Variants in PBX2 observed in about 807,000 individuals in gnomAD.
The protein encoded by PBX2 is pre-B-cell leukemia transcription factor 2.
PBX2 carries 10 observed loss-of-function variants against 46.5 expected under a neutral mutation model. The observed-to-expected ratio is 0.21, with a 90% CI of 0.13 to 0.36. The LOEUF (loss-of-function observed/expected upper bound fraction) is 0.36, where lower values mean the gene tolerates loss of function less well. PBX2 is among the 10% of genes least tolerant of loss of function. The pLI is 1.00. For missense variants in PBX2, 392 were observed against 580.5 expected, an observed-to-expected ratio of 0.68 and a Z score of 3.34; for synonymous variants, 160 against 222.5, an observed-to-expected ratio of 0.72 and a Z score of 2.50.
rs1786959078 is a variant in PBX2 at position 32,185,119 on chromosome 6, A to T, written c.*1263T>A. On this transcript the variant is annotated 3_prime_UTR_variant, in exon 9 of 9. Transcript: ENST00000375050. ...GGAAGATACATATACAAGCACCCCA[A>T]CCCATATTTAACATATTTGGCAATA... is the stretch of plus-strand genomic sequence containing the variant. 1 of 152,538 alleles carries T rather than the reference A, an allele frequency of 6.6e-6. No homozygotes were observed. Among genetic ancestry groups the T allele is most frequent in the African/African-American group, 2.4e-5 (1 of 41,398 alleles). 9.4% of individuals were successfully genotyped at this position (152,538 alleles called of 1,614,324 possible).
Position 32,189,969 on chromosome 6 carries a change from G to T in PBX2, c.-54C>A. ...CCTGCTCCGCCCCTCCCCCCGCCTG[G>T]TTACTTCTCCCCCCAAACTCGCTGG... On this transcript the variant is annotated 5_prime_UTR_variant, in exon 1 of 9. Coordinates refer to ENST00000375050, the MANE Select transcript of PBX2 (RefSeq NM_002586.5). This position sits in a 1 kb window ranked among gnomAD's most constrained non-coding sequence, Gnocchi z 4.7. 1.2e-6 allele frequency: 1 copy of T among 821,442 alleles called. No homozygotes were observed. The highest frequency in any genetic ancestry group is 1.8e-6 in the Non-Finnish European group (1 of 565,326). 50.9% of individuals were successfully genotyped at this position (821,442 alleles called of 1,614,324 possible).
Position 32,186,533 on chromosome 6 carries a change from C to A in PBX2, c.1201-59G>T, listed in dbSNP as rs1301762829. 3 of 1,575,540 alleles carry A rather than the reference C, an allele frequency of 1.9e-6. No individual in the cohort carries two copies. Among genetic ancestry groups the A allele is most frequent in the Middle Eastern group, 1.7e-4 (1 of 6,028 alleles). On this transcript the variant is annotated intron_variant, in intron 8 of 8. Coordinates refer to ENST00000375050, the MANE Select transcript of PBX2 (RefSeq NM_002586.5). This position sits in a 1 kb window ranked among gnomAD's most constrained non-coding sequence, Gnocchi z 4.2. ...AAGCCCTGGGAACCCTGTGTGGGCA[C>A]AACATTACTAGGGAAAATGCCCCTC...
chr6:32,186,877 G>C lies in PBX2; in HGVS notation c.1049C>G (p.Ser350Ter). ...SAGSGGSFNL[S>*]GSGDMFLGMP... ...CCCCAGAAACATGTCTCCAGATCCT[G>C]AGAGATTGAAAGAGCCGCCAGAGCC... is the stretch of plus-strand genomic sequence containing the variant. The change falls in exon 7 of 9, where the codon TCA becomes TGA. Residue 350 changes from serine (S) to a stop codon, truncating the protein, a stop_gained. Coordinates refer to ENST00000375050, the MANE Select transcript of PBX2 (RefSeq NM_002586.5). LOFTEE classifies it high-confidence loss of function. The surrounding 1 kb of genome is among the most constrained non-coding windows in gnomAD (Gnocchi z 4.2). The C allele has an allele frequency of 6.2e-7, 1 of 1,614,028 alleles. No individual in the cohort carries two copies. The highest frequency in any genetic ancestry group is 8.5e-7 in the Non-Finnish European group (1 of 1,180,016).
Position 32,187,459 on chromosome 6 carries a change from T to C in PBX2, c.871-64A>G. Reference sequence around the variant, plus strand: ...CTCTGAAGTCCTTCACTGAATAAGATGTGAGTGACAGCATTTTTTTTTTTT... The same window carrying C: ...CTCTGAAGTCCTTCACTGAATAAGACGTGAGTGACAGCATTTTTTTTTTTT... On this transcript the variant is annotated intron_variant, in intron 5 of 8. Transcript: ENST00000375050. The surrounding 1 kb of genome is among the most constrained non-coding windows in gnomAD (Gnocchi z 7.7). 6.4e-7 allele frequency: 1 copy of C among 1,560,294 alleles called. No homozygotes were observed. The highest frequency in any genetic ancestry group is 2.3e-5 in the East Asian group (1 of 44,412).
In PBX2 at chr6:32,189,343, G is replaced by T. The variant is rs1787293524; in HGVS notation, c.221+352C>A. On this transcript the variant is annotated intron_variant, in intron 1 of 8. Transcript: ENST00000375050. This position sits in a 1 kb window ranked among gnomAD's most constrained non-coding sequence, Gnocchi z 4.7. ...TCTCCACATCTGGAGAGAATGAGGG[G>T]GCTGGGTGGAGAGTTAGGGGAGAAG... Among the ~76,000 whole-genome samples the T allele has an allele frequency of 6.6e-6, 1 of 151,982 alleles. No individual in the cohort carries two copies. The highest frequency in any genetic ancestry group is 6.6e-5 in the Admixed American group (1 of 15,264).
In PBX2 at chr6:32,186,861, CA is replaced by C. The variant is rs1561892038; in HGVS notation, c.1064del (p.Met355SerfsTer45). ...CGTTGAGCCCAGGCATCCCCAGAAA[CA>C]TGTCTCCAGATCCTGAGAGATTGAA... Reference protein sequence around the residue: ...GSFNLSGSGDMFLGMPGLNGD... With the variant: ...GSFNLSGSGDXFLGMPGLNGD... On this transcript the variant is annotated frameshift_variant, in exon 7 of 9. Coordinates refer to ENST00000375050, the MANE Select transcript of PBX2 (RefSeq NM_002586.5). LOFTEE classifies it high-confidence loss of function. This position sits in a 1 kb window ranked among gnomAD's most constrained non-coding sequence, Gnocchi z 4.2. The C allele has an allele frequency of 6.2e-7, 1 of 1,614,114 alleles. No individual in the cohort carries two copies. The highest frequency in any genetic ancestry group is 1.7e-5 in the Admixed American group (1 of 60,026).
In PBX2 at chr6:32,189,065, G is replaced by C; in HGVS notation, c.222-269C>G. On this transcript the variant is annotated intron_variant, in intron 1 of 8. Transcript: ENST00000375050. The surrounding 1 kb of genome is among the most constrained non-coding windows in gnomAD (Gnocchi z 4.7). ...TGGGAGATGGTCTAGAAAGGTAGGA[G>C]GAGGAATCTGGGAGTGGATGGAGAA... The C allele has an allele frequency of 1.9e-6, 1 of 531,530 alleles. No individual in the cohort carries two copies. The highest frequency in any genetic ancestry group is 5.0e-4 in the Middle Eastern group (1 of 2,002). The allele number at this position is 531,530 out of a possible 1,614,324, so 32.9% of individuals were successfully genotyped here.
Position 32,188,735 on chromosome 6 carries a change from T to C in PBX2, c.283A>G (p.Lys95Glu). 1 of 1,612,918 alleles carries C rather than the reference T, an allele frequency of 6.2e-7. No individual in the cohort carries two copies. The highest frequency in any genetic ancestry group is 8.5e-7 in the Non-Finnish European group (1 of 1,179,952). Reference protein sequence around the residue: ...PALFSVLCEIKEKTGLSIRSS... With the variant: ...PALFSVLCEIEEKTGLSIRSS... Reference sequence around the variant, plus strand: ...GGGGCCCACATACCAGTTTTCTCCTTGATTTCACACAGGACGCTAAAGAGA... The same window carrying C: ...GGGGCCCACATACCAGTTTTCTCCTCGATTTCACACAGGACGCTAAAGAGA... Residue 95 changes from lysine to glutamate, a missense_variant, in exon 2 of 9, where the codon AAG becomes GAG. Lys to Glu is a moderately conservative substitution (Grantham distance 56). Around this residue, in one of 3 missense-constraint regions of PBX2, gnomAD observed 196 missense variants for 246.9 expected, o/e 0.79. Transcript: ENST00000375050. This position sits in a 1 kb window ranked among gnomAD's most constrained non-coding sequence, Gnocchi z 6.5.
Position 32,186,122 on chromosome 6 carries a change from T to C in PBX2, c.*260A>G, listed in dbSNP as rs1164138229. The C allele has an allele frequency of 5.5e-6, 3 of 549,976 alleles. No individual in the cohort carries two copies. The highest frequency in any genetic ancestry group is 9.7e-6 in the Non-Finnish European group (3 of 309,252). 34.1% of individuals were successfully genotyped at this position (549,976 alleles called of 1,614,324 possible). On this transcript the variant is annotated 3_prime_UTR_variant, in exon 9 of 9. Coordinates refer to ENST00000375050, the MANE Select transcript of PBX2 (RefSeq NM_002586.5). This position sits in a 1 kb window ranked among gnomAD's most constrained non-coding sequence, Gnocchi z 4.2. ...AAATAGGTTTCTCGGTATGTGTATG[T>C]TTCTGTGTAAGAAAGAAAGCGAGAG... is the stretch of plus-strand genomic sequence containing the variant.
Position 32,189,126 on chromosome 6 carries a change from A to G in PBX2, c.222-330T>C. 2.2e-6 allele frequency: 1 copy of G among 452,636 alleles called. No individual in the cohort carries two copies. The highest frequency in any genetic ancestry group is 2.9e-5 in the South Asian group (1 of 34,146). The allele number at this position is 452,636 out of a possible 1,614,324, so 28.0% of individuals were successfully genotyped here. On this transcript the variant is annotated intron_variant, in intron 1 of 8. Coordinates refer to ENST00000375050, the MANE Select transcript of PBX2 (RefSeq NM_002586.5). This position sits in a 1 kb window ranked among gnomAD's most constrained non-coding sequence, Gnocchi z 4.7. ...CTTGGTAGGTTTCAGAGGGAGAGAG[A>G]CAGAGGCTGGGGTTGAGAAGAGTCA...
chr6:32,189,677 CGGA>C lies in PBX2; in HGVS notation c.221+15_221+17del. ...GGTTTGCTGGGTCTGTGTGGGGTCC[CGGA>C]GTGGGGGCACTCACTTGGCCTGGGC... On this transcript the variant is annotated intron_variant, in intron 1 of 8. Transcript: ENST00000375050. This position sits in a 1 kb window ranked among gnomAD's most constrained non-coding sequence, Gnocchi z 4.7. The C allele has an allele frequency of 6.3e-7, 1 of 1,588,468 alleles. No homozygotes were observed. The highest frequency in any genetic ancestry group is 1.7e-5 in the Admixed American group (1 of 59,512).
Position 32,187,447 on chromosome 6 carries a change from C to A in PBX2, c.871-52G>T, listed in dbSNP as rs1320275901. 3.8e-6 allele frequency: 6 copies of A among 1,587,970 alleles called. No homozygotes were observed. The highest frequency in any genetic ancestry group is 5.2e-6 in the Non-Finnish European group (6 of 1,162,266). Reference sequence around the variant, plus strand: ...AGAAACATTTGCCTCTGAAGTCCTTCACTGAATAAGATGTGAGTGACAGCA... The same window carrying A: ...AGAAACATTTGCCTCTGAAGTCCTTAACTGAATAAGATGTGAGTGACAGCA... On this transcript the variant is annotated intron_variant, in intron 5 of 8. Coordinates refer to ENST00000375050, the MANE Select transcript of PBX2 (RefSeq NM_002586.5). This position sits in a 1 kb window ranked among gnomAD's most constrained non-coding sequence, Gnocchi z 7.7.
chr6:32,187,610 C>T lies in PBX2; in HGVS notation c.870+37G>A, dbSNP rs1238674431. On this transcript the variant is annotated intron_variant, in intron 5 of 8. Coordinates refer to ENST00000375050, the MANE Select transcript of PBX2 (RefSeq NM_002586.5). The surrounding 1 kb of genome is among the most constrained non-coding windows in gnomAD (Gnocchi z 7.7). ...ACTGCACCTAGCTGAGATGCGTGCA[C>T]TTTGCCTGACAACTCCTCCCGCAAC... The T allele has an allele frequency of 1.9e-6, 3 of 1,570,318 alleles. No homozygotes were observed. The highest frequency in any genetic ancestry group is 2.6e-6 in the Non-Finnish European group (3 of 1,157,368).
chr6:32,189,615 G>T lies in PBX2; in HGVS notation c.221+80C>A. On this transcript the variant is annotated intron_variant, in intron 1 of 8. Coordinates refer to ENST00000375050, the MANE Select transcript of PBX2 (RefSeq NM_002586.5). This position sits in a 1 kb window ranked among gnomAD's most constrained non-coding sequence, Gnocchi z 4.7. ...GGATCCTGGAGAGGGCCCTGGAGTT[G>T]GGGGGGGCTCCCAGAAGATTCAGAA... 1.9e-6 allele frequency: 2 copies of T among 1,026,860 alleles called. No individual in the cohort carries two copies. The highest frequency in any genetic ancestry group is 2.9e-6 in the Non-Finnish European group (2 of 682,000). The allele number at this position is 1,026,860 out of a possible 1,614,324, so 63.6% of individuals were successfully genotyped here.
chr6:32,189,637 A>G lies in PBX2; in HGVS notation c.221+58T>C. On this transcript the variant is annotated intron_variant, in intron 1 of 8. Coordinates refer to ENST00000375050, the MANE Select transcript of PBX2 (RefSeq NM_002586.5). This position sits in a 1 kb window ranked among gnomAD's most constrained non-coding sequence, Gnocchi z 4.7. ...GTTGGGGGGGGCTCCCAGAAGATTC[A>G]GAACATGTGAACGGGGTTTGCTGGG... 2 of 1,340,016 alleles carry G rather than the reference A, an allele frequency of 1.5e-6. No individual in the cohort carries two copies. Among genetic ancestry groups the G allele is most frequent in the Non-Finnish European group, 2.1e-6 (2 of 945,886 alleles). The allele number at this position is 1,340,016 out of a possible 1,614,324, so 83.0% of individuals were successfully genotyped here.
chr6:32,186,061 GGAGA>G lies in PBX2; in HGVS notation c.*317_*320del, dbSNP rs776156046. On this transcript the variant is annotated 3_prime_UTR_variant, in exon 9 of 9. Coordinates refer to ENST00000375050, the MANE Select transcript of PBX2 (RefSeq NM_002586.5). The surrounding 1 kb of genome is among the most constrained non-coding windows in gnomAD (Gnocchi z 4.2). Reference sequence around the variant, plus strand: ...TATGTGTGTGTGAGGTGTGGGAGAGGGAGAGAGAAAGACAGAGGAGAAAAAGGGG... The same window carrying G: ...TATGTGTGTGTGAGGTGTGGGAGAGGGAGAAAGACAGAGGAGAAAAAGGGG... 3.0e-4 allele frequency: 109 copies of G among 361,268 alleles called. No homozygotes were observed. Among genetic ancestry groups the G allele is most frequent in the Admixed American group, 5.2e-4 (12 of 23,006 alleles). The allele number at this position is 361,268 out of a possible 1,614,324, so 22.4% of individuals were successfully genotyped here.
In PBX2 at chr6:32,187,883, T is replaced by G. The variant is rs551947207; in HGVS notation, c.734+83A>C. 3.0e-5 allele frequency: 47 copies of G among 1,544,236 alleles called. No individual in the cohort carries two copies. The highest frequency in any genetic ancestry group is 3.8e-5 in the Admixed American group (2 of 52,550). On this transcript the variant is annotated intron_variant, in intron 4 of 8. Coordinates refer to ENST00000375050, the MANE Select transcript of PBX2 (RefSeq NM_002586.5). The surrounding 1 kb of genome is among the most constrained non-coding windows in gnomAD (Gnocchi z 7.7). ...TCACCATTGTCATGGAGTACCATGT[T>G]GTGCAGCATGGCAGCTCAGGGTCTT...
In PBX2 at chr6:32,189,563, C is replaced by G; in HGVS notation, c.221+132G>C. 1 of 633,932 alleles carries G rather than the reference C, an allele frequency of 1.6e-6. No homozygotes were observed. The highest frequency in any genetic ancestry group is 2.0e-5 in the South Asian group (1 of 49,274). 39.3% of individuals were successfully genotyped at this position (633,932 alleles called of 1,614,324 possible). ...GAGGGATCACTTTTCTATGGGCTCC[C>G]AGGAATAAGGAGAGAAGAGAGCTGT... On this transcript the variant is annotated intron_variant, in intron 1 of 8. Transcript: ENST00000375050. The surrounding 1 kb of genome is among the most constrained non-coding windows in gnomAD (Gnocchi z 4.7).
rs575909843 is a variant in PBX2, at chr6:32,187,785, A to G, written c.735-3T>C. 2 of 1,612,226 alleles carry G rather than the reference A, an allele frequency of 1.2e-6. No individual in the cohort carries two copies. The highest frequency in any genetic ancestry group is 1.3e-5 in the African/African-American group (1 of 75,052). The stretch of plus-strand genomic sequence containing the variant: ...TGCTGAAGTTACGGCGCTTTCGTCT[A>G]CAGAGGAGGGAGAAGAGCAGTGAGG... On this transcript the variant is annotated splice_polypyrimidine_tract_variant and splice_region_variant and intron_variant, in intron 4 of 8. Transcript: ENST00000375050. The surrounding 1 kb of genome is among the most constrained non-coding windows in gnomAD (Gnocchi z 7.7).
Sources: allele counts gnomAD v4.1 joint callset (sites outside exome capture counted in the v4.1 genomes callset), GRCh38; gene constraint gnomAD v4.1.1; regional missense constraint gnomAD v4.1.1; non-coding constraint Gnocchi (gnomAD v3.1); transcripts MANE v1.5; gene names NCBI Gene and HGNC (gene_info 2026-07-23, HGNC 2026-07-21).